The following TBC1D1 variants were observed in gnomAD, a reference collection of about 807,000 sequenced individuals.
TBC1D1 encodes the protein TBC1 domain family member 1, also known as TBC1 (tre-2/USP6, BUB2, cdc16) domain family, member 1.
In TBC1D1, 89 loss-of-function variants were observed where a neutral mutation model predicts 125.6. The observed-to-expected ratio is 0.71, with a 90% CI of 0.60 to 0.85. The LOEUF (loss-of-function observed/expected upper bound fraction) is 0.85, where lower values mean the gene tolerates loss of function less well. TBC1D1 is among the 40% of genes least tolerant of loss of function. TBC1D1 has a pLI of 0.00. For missense variants in TBC1D1, 1,377 were observed against 1,469.2 expected, an observed-to-expected ratio of 0.94 and a Z score of 1.03; for synonymous variants, 565 against 564.1, an observed-to-expected ratio of 1.00 and a Z score of -0.02.
At chr4:37,968,171 C>T (rs1347518668) in intron 2 of TBC1D1, among the ~76,000 whole-genome samples, 2 of 152,080 alleles carry the variant, frequency 1.3e-5, no homozygotes, top group Non-Finnish European at 2.9e-5. Flanking sequence ...AAGAGATAGA[C>T]CTATGTCATA....
intron 12 of TBC1D1, 60 bp downstream of exon 14, chr4:38,054,398 GC>G: frequency 1.9e-6 from 3 of 1,603,940 alleles, no homozygotes; most frequent in Non-Finnish European, 1.7e-6. Context: ...GACCCTGGGA[GC>G]CCCATCATAT....
chr4:37,963,086 C>T (rs1325837088), intron 2 of TBC1D1, among the ~76,000 whole-genome samples: 3 of 152,162 alleles, frequency 2.0e-5, no homozygotes. Context: ...TCCTCTGCTA[C>T]AGTCCATAAA....
chr4:38,060,552 C>T (rs1335953124), intron 12 of TBC1D1: 6 of 1,014,108 alleles, frequency 5.9e-6, no homozygotes, highest in Middle Eastern at 2.4e-4. Context: ...ATGAGAGAGA[C>T]ATATTTGCTC....
At chr4:38,016,751 G>T (rs1193532480) in intron 3 of TBC1D1, among the ~76,000 whole-genome samples, 1 of 152,218 alleles carries the variant, frequency 6.6e-6, no homozygotes, top group African/African-American at 2.4e-5. Flanking sequence ...TAGAGATGGG[G>T]CTGGGACTGG....
At chr4:38,050,396 C>G (rs1269970909) in intron 11 of TBC1D1, among the ~76,000 whole-genome samples, 2 of 152,176 alleles carry the variant, frequency 1.3e-5, no homozygotes, top group East Asian at 3.9e-4. Flanking sequence ...CTCTGAATAA[C>G]AAAATTGGAG....
chr4:37,944,762 T>C (rs527819466), intron 2 of TBC1D1, among the ~76,000 whole-genome samples: 2 of 152,306 alleles, frequency 1.3e-5, no homozygotes, highest in East Asian at 3.9e-4. Context: ...GAAAGGGAAT[T>C]CCCTGATCCC....
chr4:38,115,697 A>AAT lies in TBC1D1; in HGVS notation c.2558-13_2558-12insAT. 6.2e-7 allele frequency: 1 copy of AAT among 1,607,832 alleles called. No homozygotes were observed. Among genetic ancestry groups the AAT allele is most frequent in the Non-Finnish European group, 8.5e-7 (1 of 1,176,906 alleles). On this transcript the variant is annotated splice_polypyrimidine_tract_variant and intron_variant, in intron 15 of 19. Transcript: ENST00000261439. ...GTTTTTATTATTACAACTAATATGT[A>AAT]TTCTTTTCACAGGGCGAACCTTTCC... is the stretch of plus-strand genomic sequence containing the variant.
At chr4:38,031,925 T>C (rs1324033605) in intron 7 of TBC1D1, among the ~76,000 whole-genome samples, 2 of 152,284 alleles carry the variant, frequency 1.3e-5, no homozygotes, top group African/African-American at 2.4e-5. Context: ...TAAATTGAAG[T>C]ATGACATGCA....
intron 2 of TBC1D1, among the ~76,000 whole-genome samples, chr4:37,973,355 C>A (rs947310920): frequency 6.6e-6 from 1 of 152,196 alleles, no homozygotes; most frequent in Admixed American, 6.5e-5. Flanking sequence ...TGCCTGCATA[C>A]GTTCCCGCTG....
At chr4:37,980,855 G>A (rs925772676) in intron 2 of TBC1D1, among the ~76,000 whole-genome samples, 2 of 152,114 alleles carry the variant, frequency 1.3e-5, no homozygotes, top group African/African-American at 4.8e-5. Flanking sequence ...TCCTGGAGGA[G>A]TTAATTCACT....
chr4:38,103,777 A>G (rs1038373699), intron 15 of TBC1D1, among the ~76,000 whole-genome samples: 1 of 152,196 alleles, frequency 6.6e-6, no homozygotes, highest in Non-Finnish European at 1.5e-5. Flanking sequence ...AAACTAAACA[A>G]TAATATAGAT....
intron 11 of TBC1D1, 125 bp downstream of exon 12, chr4:38,052,185 G>GTA: frequency 6.1e-6 from 5 of 813,182 alleles, no homozygotes; most frequent in Non-Finnish European, 9.7e-6. Flanking sequence ...GTGTGTGTGT[G>GTA]TGTGTGTGTG....
At chr4:37,926,977 C>G (rs1283637172) in intron 2 of TBC1D1, among the ~76,000 whole-genome samples, 1 of 152,098 alleles carries the variant, frequency 6.6e-6, no homozygotes, top group African/African-American at 2.4e-5. Flanking sequence ...ATTACCCGGG[C>G]ATGGTGGCGC....
chr4:38,102,902 A>G, intron 14 of TBC1D1, 97 bp from the exon 17 acceptor site: 1 of 1,404,288 alleles, frequency 7.1e-7, no homozygotes, highest in African/African-American at 1.5e-5. Flanking sequence ...AAAAGGAACA[A>G]GAATTTGGAT....
chr4:38,074,546 A>G (rs1163642910), intron 12 of TBC1D1, among the ~76,000 whole-genome samples: 2 of 152,142 alleles, frequency 1.3e-5, no homozygotes, highest in East Asian at 1.9e-4. Flanking sequence ...TTAGAAAAGT[A>G]TCTCTCCTTC....
At chr4:38,040,791 T>G (rs534925774) in intron 8 of TBC1D1, among the ~76,000 whole-genome samples, 2 of 152,312 alleles carry the variant, frequency 1.3e-5, no homozygotes, top group East Asian at 3.9e-4. Flanking sequence ...GGTCAGTGAT[T>G]GCACAGAACC....
intron 2 of TBC1D1, among the ~76,000 whole-genome samples, chr4:37,920,832 C>G (rs1720787376): frequency 6.6e-6 from 1 of 151,986 alleles, no homozygotes; most frequent in Admixed American, 6.6e-5. Flanking sequence ...ACAAAGGGGC[C>G]GGGCGCGGTG....
At chr4:38,048,749 A>G (rs576843286) in intron 10 of TBC1D1, among the ~76,000 whole-genome samples, 107 of 152,284 alleles carry the variant, frequency 7.0e-4, no homozygotes, top group Middle Eastern at 3.4e-3. Context: ...TATTTTGAAT[A>G]TATTAAAAAT....
At chr4:38,119,549 A>C (rs1241115356) in intron 17 of TBC1D1, among the ~76,000 whole-genome samples, 1 of 152,194 alleles carries the variant, frequency 6.6e-6, no homozygotes, top group African/African-American at 2.4e-5. Flanking sequence ...AAAGCCTCAA[A>C]ATTGTGTGCT....
Sources: allele counts gnomAD v4.1 joint callset (sites outside exome capture counted in the v4.1 genomes callset), GRCh38; gene constraint gnomAD v4.1.1; transcripts MANE v1.5; gene names NCBI Gene and HGNC (gene_info 2026-07-23, HGNC 2026-07-21).